The following SEMA5A variants were observed in gnomAD, a reference collection of about 807,000 sequenced individuals.
The protein encoded by SEMA5A is semaphorin 5A.
Under a neutral mutation model 135.5 loss-of-function variants are expected in SEMA5A, and 55 were observed. The ratio of observed to expected loss-of-function variants is 0.41; its 90% CI spans 0.33 to 0.51. The LOEUF (loss-of-function observed/expected upper bound fraction) is 0.51. Ranked by LOEUF, SEMA5A falls within the 20% of genes least tolerant of loss-of-function variation. SEMA5A has a pLI of 0.37. For synonymous variants in SEMA5A, 580 were observed against 546.5 expected, an observed-to-expected ratio of 1.06 and a Z score of -0.85; for missense variants, 1,290 against 1,419.9, an observed-to-expected ratio of 0.91 and a Z score of 1.47.
intron 1 of SEMA5A, among the ~76,000 whole-genome samples, chr5:9,449,960 C>A (rs988714998): frequency 2.0e-5 from 3 of 152,278 alleles, no homozygotes; most frequent in South Asian, 4.2e-4. Flanking sequence ...TCAGAAGAAG[C>A]CTTCAATGCT....
At chr5:9,396,102 C>T (rs1274906261) in intron 2 of SEMA5A, among the ~76,000 whole-genome samples, 5 of 152,102 alleles carry the variant, frequency 3.3e-5, no homozygotes, top group African/African-American at 4.8e-5. Context: ...GCTACCCACA[C>T]GAGAAGTCTG....
At chr5:9,074,868 T>C (rs1226629688) in intron 16 of SEMA5A, among the ~76,000 whole-genome samples, 1 of 152,138 alleles carries the variant, frequency 6.6e-6, no homozygotes, top group Non-Finnish European at 1.5e-5. Flanking sequence ...GAGGACACAA[T>C]GCTTTAGATT....
At chr5:9,312,711 A>G (rs974481707) in intron 5 of SEMA5A, among the ~76,000 whole-genome samples, 1 of 152,138 alleles carries the variant, frequency 6.6e-6, no homozygotes, top group Non-Finnish European at 1.5e-5. Flanking sequence ...TCCACCAGTG[A>G]TGTTTCTAGT....
intron 5 of SEMA5A, among the ~76,000 whole-genome samples, chr5:9,306,422 C>T (rs758116611): frequency 6.6e-6 from 1 of 151,740 alleles, no homozygotes; most frequent in Non-Finnish European, 1.5e-5. Flanking sequence ...GTCTAATCTG[C>T]TGTTAAAATA....
In SEMA5A at chr5:9,053,241, T is replaced by C. The variant is rs1039738920; in HGVS notation, c.2689+846A>G. On this transcript the variant is annotated intron_variant, in intron 19 of 22. Transcript: ENST00000382496. ...AGCGCCTGCATCAGCCACAGGGAGC[T>C]TGAAGCGAGGAGCTCCCACACCCAC... Among the ~76,000 whole-genome samples the C allele has an allele frequency of 5.3e-5, 8 of 152,178 alleles. No individual in the cohort carries two copies. In the South Asian group the frequency reaches 1.7e-3, roughly 31 times the overall value.
intron 2 of SEMA5A, among the ~76,000 whole-genome samples, chr5:9,430,019 A>G (rs1451542630): frequency 6.6e-6 from 1 of 152,196 alleles, no homozygotes; most frequent in Non-Finnish European, 1.5e-5. Context: ...CACGGGGACC[A>G]AGTTGCTGGG....
chr5:9,338,430 C>T (rs1304842846), intron 3 of SEMA5A, among the ~76,000 whole-genome samples: 1 of 152,010 alleles, frequency 6.6e-6, no homozygotes, highest in East Asian at 1.9e-4. Context: ...TCTATAGAGA[C>T]AGGCTTTTAC....
At position 9,237,809 on chromosome 5, in the gene SEMA5A, A is replaced by G. The variant is rs759782302; in HGVS notation, c.333+19T>C. 1 of 1,612,626 alleles carries G rather than the reference A, an allele frequency of 6.2e-7. No individual in the cohort carries two copies. The stretch of plus-strand genomic sequence containing the variant: ...CTTCAAGACAGGGTGATGGCTGCTC[A>G]TAATTGCATTCTTCTTACCTTTGAT... On this transcript the variant is annotated intron_variant, in intron 6 of 22. Coordinates refer to ENST00000382496, the MANE Select transcript of SEMA5A (RefSeq NM_003966.3).
chr5:9,404,030 G>A (rs1190166006), intron 2 of SEMA5A, among the ~76,000 whole-genome samples: 1 of 152,164 alleles, frequency 6.6e-6, no homozygotes, highest in Non-Finnish European at 1.5e-5. Context: ...TGCCTCCCCA[G>A]TTCAAGCAAT....
At chr5:9,335,077 T>C (rs1351597705) in intron 4 of SEMA5A, among the ~76,000 whole-genome samples, 1 of 151,958 alleles carries the variant, frequency 6.6e-6, no homozygotes, top group Non-Finnish European at 1.5e-5. Context: ...GGATGGAGAC[T>C]CTAGGGACGC....
intron 10 of SEMA5A, among the ~76,000 whole-genome samples, chr5:9,196,734 AACAGGG>A (rs1745406610): frequency 6.6e-6 from 1 of 152,078 alleles, no homozygotes; most frequent in African/African-American, 2.4e-5. Context: ...TGTCCTTCCC[AACAGGG>A]AATCCCACCA....
intron 16 of SEMA5A, among the ~76,000 whole-genome samples, chr5:9,105,110 C>A (rs1405625393): frequency 2.6e-5 from 4 of 152,216 alleles, no homozygotes; most frequent in Non-Finnish European, 4.4e-5. Flanking sequence ...TCCAGGTCCT[C>A]CCTCTGTGTC....
intron 1 of SEMA5A, among the ~76,000 whole-genome samples, chr5:9,444,812 T>G (rs1758369138): frequency 1.3e-5 from 2 of 152,080 alleles, no homozygotes; most frequent in South Asian, 4.2e-4. Context: ...CTCTTAACGG[T>G]TTTTCTTTCT....
intron 8 of SEMA5A, among the ~76,000 whole-genome samples, chr5:9,223,339 T>C (rs1248507220): frequency 6.6e-6 from 1 of 152,208 alleles, no homozygotes; most frequent in East Asian, 1.9e-4. Context: ...AATACTTGCA[T>C]TGAATATATG....
At chr5:9,085,369 GA>G (rs1738622482) in intron 16 of SEMA5A, among the ~76,000 whole-genome samples, 1 of 152,158 alleles carries the variant, frequency 6.6e-6, no homozygotes, top group East Asian at 1.9e-4. Flanking sequence ...GGCCTAGGAG[GA>G]AAAAGTGGTT....
intron 11 of SEMA5A, among the ~76,000 whole-genome samples, chr5:9,177,994 C>T (rs1744293355): frequency 6.6e-6 from 1 of 152,154 alleles, no homozygotes. Flanking sequence ...GACAGTACAT[C>T]AGATAAATTG....
intron 3 of SEMA5A, among the ~76,000 whole-genome samples, chr5:9,373,585 T>C (rs1367893985): frequency 1.3e-5 from 2 of 152,124 alleles, no homozygotes; most frequent in Non-Finnish European, 2.9e-5. Context: ...AATAAACCCA[T>C]AAGTAGGAGG....
chr5:9,122,830 T>C lies in SEMA5A; in HGVS notation c.1607A>G (p.Asn536Ser), dbSNP rs1388456556. 4 of 1,596,036 alleles carry C rather than the reference T, an allele frequency of 2.5e-6. No homozygotes were observed. The highest frequency in any genetic ancestry group is 3.4e-6 in the Non-Finnish European group (4 of 1,168,850). Reference sequence around the variant, plus strand: ...ACCAAAGTGCCCATCCACGGTGAGATTCCTGGTCTAGGAAGCAAAACCAAG... The same window carrying C: ...ACCAAAGTGCCCATCCACGGTGAGACTCCTGGTCTAGGAAGCAAAACCAAG... ...EQSISACPTR[N>S]LTVDGHFGVW... is the part of the protein sequence containing the mutation. Residue 536 changes from asparagine (N) to serine (S), a missense_variant, in exon 14 of 23, where the codon AAT becomes AGT. Around this residue, in one of 3 missense-constraint regions of SEMA5A, gnomAD observed 1,029 missense variants for 1,086.6 expected, o/e 0.95. Coordinates refer to ENST00000382496, the MANE Select transcript of SEMA5A (RefSeq NM_003966.3).
chr5:9,071,943 C>T (rs1015198670), intron 16 of SEMA5A, among the ~76,000 whole-genome samples: 5 of 152,158 alleles, frequency 3.3e-5, no homozygotes, highest in African/African-American at 1.2e-4. Context: ...GGAAGTAGAA[C>T]CATGCTCCCA....
Sources: gnomAD v4.1 joint callset for allele counts (sites outside exome capture counted in the v4.1 genomes callset) on GRCh38, gnomAD v4.1.1 for gene constraint, gnomAD v4.1.1 regional missense constraint, MANE v1.5 for transcripts, NCBI Gene and HGNC (gene_info 2026-07-23, HGNC 2026-07-21) for gene names.